The following ZNF770 variants were observed in gnomAD, a reference collection of about 807,000 sequenced individuals.
ZNF770 encodes the protein zinc finger protein 770.
A neutral mutation model predicts 44.8 loss-of-function variants in ZNF770; 13 were observed. That is an observed-to-expected ratio of 0.29 (90% CI 0.19 to 0.46). The LOEUF is 0.46. Ranked by LOEUF, ZNF770 falls within the 20% of genes least tolerant of loss-of-function variation. The pLI is 1.00. For missense variants in ZNF770, 681 were observed against 797.9 expected (o/e 0.85, Z 1.77); for synonymous variants, 304 against 271.8 (o/e 1.12, Z -1.17).
At chr15:34,985,072 T>G (rs1315363221) in intron 2 of ZNF770, among the ~76,000 whole-genome samples, 1 of 149,726 alleles carries the variant, frequency 6.7e-6, no homozygotes, top group East Asian at 2.0e-4. Context: ...AGGCGGAGGT[T>G]GCACTGAGCC....
Position 34,981,722 on chromosome 15 carries a change from G to A in ZNF770, c.1713C>T (p.Val571=), listed in dbSNP as rs1416688129. The change falls in exon 3 of 3, where the codon GTC becomes GTT. Residue 571 remains valine, a synonymous_variant. Coordinates refer to ENST00000356321, the MANE Select transcript of ZNF770 (RefSeq NM_014106.4). ...CQAPGVQKYE[V]SESDQMSGVK... is the part of the protein sequence containing the mutation. Reference sequence around the variant, plus strand: ...CTCCTGACATTTGATCTGACTCTGAGACCTCGTATTTTTGAACACCAGGAG... The same window carrying A: ...CTCCTGACATTTGATCTGACTCTGAAACCTCGTATTTTTGAACACCAGGAG... 2.5e-6 allele frequency: 4 copies of A among 1,614,068 alleles called. No homozygotes were observed. Among genetic ancestry groups the A allele is most frequent in the Non-Finnish European group, 3.4e-6 (4 of 1,180,024 alleles).
At position 34,981,395 on chromosome 15, in the gene ZNF770, T is replaced by A; in HGVS notation, c.2040A>T (p.Pro680=). Residue 680 remains proline (P), a synonymous_variant, in exon 3 of 3, where the codon CCA becomes CCT. Coordinates refer to ENST00000356321, the MANE Select transcript of ZNF770 (RefSeq NM_014106.4). The stretch of plus-strand genomic sequence containing the variant: ...AATCTAAGGCAACCACTTTCCCTTG[T>A]GGTCGTTCTTTAAAGTGAGTAAGCT... ...RHQLTHFKER[P]QGKVVALDSV... 1.2e-6 allele frequency: 2 copies of A among 1,613,116 alleles called. No homozygotes were observed. The highest frequency in any genetic ancestry group is 1.7e-6 in the Non-Finnish European group (2 of 1,179,988).
Position 34,985,611 on chromosome 15 carries a change from G to A in ZNF770, c.-57+1946C>T, listed in dbSNP as rs1407780489. Among the ~76,000 whole-genome samples, 9 of 152,206 alleles carry A rather than the reference G, an allele frequency of 5.9e-5. No homozygotes were observed. The South Asian group carries it at 6.2e-4, about 11-fold the overall frequency. On this transcript the variant is annotated intron_variant, in intron 2 of 2. Coordinates refer to ENST00000356321, the MANE Select transcript of ZNF770 (RefSeq NM_014106.4). Reference sequence around the variant, plus strand: ...GCACTTTGTTATTTAAAATAAGAGCGGAGGCTGGCATAGTGGCTCATGCCT... The same window carrying A: ...GCACTTTGTTATTTAAAATAAGAGCAGAGGCTGGCATAGTGGCTCATGCCT...
At chr15:34,983,878 A>C (rs1351715961) in intron 2 of ZNF770, among the ~76,000 whole-genome samples, 1 of 152,236 alleles carries the variant, frequency 6.6e-6, no homozygotes, top group Non-Finnish European at 1.5e-5. Context: ...GTAACAAATC[A>C]AAACATAATA....
intron 2 of ZNF770, 74 bp from the exon 3 acceptor site, chr15:34,983,564 T>C (rs2050416565): frequency 1.2e-6 from 1 of 815,174 alleles, no homozygotes; most frequent in Admixed American, 3.8e-5. Flanking sequence ...AGTTGTTCTT[T>C]GGCTGAAGAT....
Position 34,979,592 on chromosome 15 carries a change from T to G in ZNF770, c.*1767A>C. Reference sequence around the variant, plus strand: ...ACTGTCATGTTTCATCTCTGTAAATTAAACCCAAGTTACTTAAAAATCACC... The same window carrying G: ...ACTGTCATGTTTCATCTCTGTAAATGAAACCCAAGTTACTTAAAAATCACC... On this transcript the variant is annotated 3_prime_UTR_variant, in exon 3 of 3. Coordinates refer to ENST00000356321, the MANE Select transcript of ZNF770 (RefSeq NM_014106.4). 1 of 446,154 alleles carries G rather than the reference T, an allele frequency of 2.2e-6. No individual in the cohort carries two copies. Among genetic ancestry groups the G allele is most frequent in the Non-Finnish European group, 4.5e-6 (1 of 223,168 alleles). 27.6% of individuals were successfully genotyped at this position (446,154 alleles called of 1,614,324 possible).
intron 2 of ZNF770, among the ~76,000 whole-genome samples, 190 bp downstream of exon 2, chr15:34,987,367 G>A (rs998359879): frequency 1.3e-5 from 2 of 152,102 alleles, no homozygotes; most frequent in African/African-American, 4.8e-5. Flanking sequence ...CTCACCTCAC[G>A]CACTCATGGA....
rs2050395172 is a variant in ZNF770 at position 34,980,655 on chromosome 15, T to A, written c.*704A>T. 2 of 152,096 alleles carry A rather than the reference T, an allele frequency of 1.3e-5. No individual in the cohort carries two copies. Among genetic ancestry groups the A allele is most frequent in the Admixed American group, 1.3e-4 (2 of 15,254 alleles). 9.4% of individuals were successfully genotyped at this position (152,096 alleles called of 1,614,324 possible). A position where few individuals can be genotyped will look rare whatever the true frequency, so the allele number is the denominator to read the frequency against. The stretch of plus-strand genomic sequence containing the variant: ...AGCCAGGCGTGATGGCAGGCACCTG[T>A]AATCCCAGCTACTCAGGAGGCTGAG... On this transcript the variant is annotated 3_prime_UTR_variant, in exon 3 of 3. Transcript: ENST00000356321.
At position 34,979,898 on chromosome 15, in the gene ZNF770, G is replaced by T. The variant is rs991580643; in HGVS notation, c.*1461C>A. The T allele has an allele frequency of 6.7e-6, 2 of 300,504 alleles. No individual in the cohort carries two copies. Among genetic ancestry groups the T allele is most frequent in the Admixed American group, 5.4e-5 (1 of 18,516 alleles). 18.6% of individuals were successfully genotyped at this position (300,504 alleles called of 1,614,324 possible). A position where few individuals can be genotyped will look rare whatever the true frequency, so the allele number is the denominator to read the frequency against. The stretch of plus-strand genomic sequence containing the variant: ...AATATGAAGGAAAATTTGTAATTAT[G>T]AAATAAGTCCTTTGTAGTAAAGAAT... On this transcript the variant is annotated 3_prime_UTR_variant, in exon 3 of 3. Transcript: ENST00000356321.
In ZNF770 at chr15:34,982,154, G is replaced by A. The variant is rs749384755; in HGVS notation, c.1281C>T (p.Asn427=). The change falls in exon 3 of 3, where the codon AAC becomes AAT. Residue 427 remains asparagine (N), a synonymous_variant. Transcript: ENST00000356321. ...TCACTGAATTATCAATGCTTAATAT[G>A]TTTTCTGTCGTAAGGATGCCTTTCA... ...KNLKGILTTE[N]ILSIDNSVNK... The A allele has an allele frequency of 2.5e-6, 4 of 1,613,608 alleles. No homozygotes were observed. The African/African-American group carries it at 4.0e-5, about 16-fold the overall frequency.
At chr15:34,988,088 G>C (rs545791772) in intron 1 of ZNF770, 28 bp downstream of exon 1, 4 of 152,434 alleles carry the variant, frequency 2.6e-5, no homozygotes, top group African/African-American at 9.6e-5. Context: ...TGAGGTTGTG[G>C]AGCCCCCGTT....
rs2050408058 is a variant in ZNF770 at position 34,982,329 on chromosome 15, C to T, written c.1106G>A (p.Cys369Tyr). The change falls in exon 3 of 3, where the codon TGT becomes TAT. Residue 369 changes from cysteine (C) to tyrosine (Y), a missense_variant. By Grantham distance (194) the Cys-to-Tyr change is radical. Coordinates refer to ENST00000356321, the MANE Select transcript of ZNF770 (RefSeq NM_014106.4). ...KVFKKSFLRN[C>Y]DLISGEQSSE... ...GCTCTGCTCACCAGAAATAAGATCA[C>T]AATTTCTCAAGAAACTCTTTTTAAA... is the stretch of plus-strand genomic sequence containing the variant. 6.2e-7 allele frequency: 1 copy of T among 1,608,914 alleles called. No homozygotes were observed. Among genetic ancestry groups the T allele is most frequent in the South Asian group, 1.1e-5 (1 of 89,512 alleles).
At chr15:34,984,347 G>A (rs899155284) in intron 2 of ZNF770, among the ~76,000 whole-genome samples, 3 of 152,146 alleles carry the variant, frequency 2.0e-5, no homozygotes, top group African/African-American at 7.2e-5. Flanking sequence ...TAAACCCACT[G>A]ACTAAATTTA....
chr15:34,983,034 G>A lies in ZNF770; in HGVS notation c.401C>T (p.Thr134Ile), dbSNP rs1271144325. The change falls in exon 3 of 3, where the codon ACC (threonine) becomes ATC (isoleucine). Residue 134 changes from threonine (T) to isoleucine (I), a missense_variant. Transcript: ENST00000356321. ...GTGTAATGCCCATCTTTCCTCTGTGGTAAAAGTATTATACACTCCATACAT... is the reference window on the plus strand; with the variant it reads ...GTGTAATGCCCATCTTTCCTCTGTGATAAAAGTATTATACACTCCATACAT... ...KSMYGVYNTF[T>I]TEERWALHPC... The A allele has an allele frequency of 6.2e-7, 1 of 1,614,004 alleles. No homozygotes were observed.
Position 34,981,845 on chromosome 15 carries a change from A to C in ZNF770, c.1590T>G (p.Pro530=), listed in dbSNP as rs763595290. The C allele has an allele frequency of 1.2e-6, 2 of 1,613,980 alleles. No homozygotes were observed. Among genetic ancestry groups the C allele is most frequent in the South Asian group, 2.2e-5 (2 of 91,070 alleles). Residue 530 remains proline (P), a synonymous_variant, in exon 3 of 3, where the codon CCT becomes CCG. Coordinates refer to ENST00000356321, the MANE Select transcript of ZNF770 (RefSeq NM_014106.4). ...RHEQTHNEKS[P]YASLCQVEFG... ...ATTCTACTTGGCAAAGAGATGCATA[A>C]GGACTCTTTTCATTATGAGTCTGTT... is the stretch of plus-strand genomic sequence containing the variant.
chr15:34,985,334 T>C (rs1313402400), intron 2 of ZNF770, among the ~76,000 whole-genome samples: 1 of 152,130 alleles, frequency 6.6e-6, no homozygotes, highest in African/African-American at 2.4e-5. Context: ...ATCAGAGAGT[T>C]CTAAGTCTGG....
Position 34,981,395 on chromosome 15 carries a change from T to C in ZNF770, c.2040A>G (p.Pro680=). 6.2e-7 allele frequency: 1 copy of C among 1,613,116 alleles called. No homozygotes were observed. The highest frequency in any genetic ancestry group is 8.5e-7 in the Non-Finnish European group (1 of 1,179,988). Residue 680 remains proline, a synonymous_variant, in exon 3 of 3, where the codon CCA becomes CCG. Transcript: ENST00000356321. ...AATCTAAGGCAACCACTTTCCCTTG[T>C]GGTCGTTCTTTAAAGTGAGTAAGCT... ...RHQLTHFKER[P]QGKVVALDSV...
rs1940970853 is a variant in ZNF770 at position 34,982,629 on chromosome 15, C to T, written c.806G>A (p.Gly269Asp). The T allele has an allele frequency of 9.3e-6, 15 of 1,613,068 alleles. No homozygotes were observed. The highest frequency in any genetic ancestry group is 1.3e-5 in the Non-Finnish European group (15 of 1,179,984). Residue 269 changes from glycine (G) to aspartate (D), a missense_variant, in exon 3 of 3, where the codon GGT becomes GAT. By Grantham distance (94) the Gly-to-Asp change is moderately conservative. This residue lies in a region of ZNF770 where 432 missense variants were observed against 434.1 expected (regional missense o/e 1.00). Coordinates refer to ENST00000356321, the MANE Select transcript of ZNF770 (RefSeq NM_014106.4). The part of the protein sequence containing the change: ...LPNKLNANQG[G>D]FENGEIGESE... ...TTCACCAATCTCACCATTTTCAAAACCACCCTGATTTGCATTTAACTTATT... is the reference window on the plus strand; with the variant it reads ...TTCACCAATCTCACCATTTTCAAAATCACCCTGATTTGCATTTAACTTATT...
chr15:34,978,401 C>T lies in ZNF770; in HGVS notation c.*2958G>A, dbSNP rs2050380863. 6.7e-6 allele frequency: 1 copy of T among 149,356 alleles called. No individual in the cohort carries two copies. The highest frequency in any genetic ancestry group is 1.5e-5 in the Non-Finnish European group (1 of 67,884). The allele number at this position is 149,356 out of a possible 1,614,324, so 9.3% of individuals were successfully genotyped here. A position where few individuals can be genotyped will look rare whatever the true frequency, so the allele number is the denominator to read the frequency against. The stretch of plus-strand genomic sequence containing the variant: ...AAAATTTTCCAAGAATTTTAACCAC[C>T]ACCTACTTCCCTTAAACACACACAC... On this transcript the variant is annotated 3_prime_UTR_variant, in exon 3 of 3. Transcript: ENST00000356321.
Sources: gnomAD v4.1 joint callset for allele counts (sites outside exome capture counted in the v4.1 genomes callset) on GRCh38, gnomAD v4.1.1 for gene constraint, gnomAD v4.1.1 regional missense constraint, MANE v1.5 for transcripts, NCBI Gene and HGNC (gene_info 2026-07-23, HGNC 2026-07-21) for gene names.